ADAM29: variants seen among roughly 807,000 people sequenced by gnomAD.
ADAM29 encodes disintegrin and metalloproteinase domain-containing protein 29.
For synonymous variants in ADAM29, 367 were observed against 342.3 expected (o/e 1.07, Z -0.80); for missense variants, 969 against 1,001.8 (o/e 0.97, Z 0.44).
Position 174,977,029 on chromosome 4 carries a change from A to C in ADAM29, c.1504A>C (p.Asn502His). ...YCYEKSCHDRNEQCRRIFGAG... is the reference protein window; with the variant it reads ...YCYEKSCHDRHEQCRRIFGAG... The stretch of plus-strand genomic sequence containing the variant: ...CTATGAAAAGAGCTGTCATGACCGC[A>C]ATGAACAGTGTAGGAGGATTTTTGG... Residue 502 changes from asparagine (N) to histidine (H), a missense_variant, in exon 5 of 5, where the codon AAT becomes CAT. Transcript: ENST00000359240. 1.9e-6 allele frequency: 3 copies of C among 1,614,208 alleles called. No homozygotes were observed. The highest frequency in any genetic ancestry group is 1.7e-4 in the Middle Eastern group (1 of 6,060).
intron 2 of ADAM29, among the ~76,000 whole-genome samples, 196 bp downstream of exon 2, chr4:174,920,988 C>A (rs1331405134): frequency 6.6e-6 from 1 of 152,054 alleles, no homozygotes; most frequent in Non-Finnish European, 1.5e-5. Flanking sequence ...ATGGGTAGTT[C>A]TCACCAAGAT....
chr4:174,934,011 G>A (rs1223522261), intron 3 of ADAM29, among the ~76,000 whole-genome samples: 3 of 152,122 alleles, frequency 2.0e-5, no homozygotes, highest in Non-Finnish European at 2.9e-5. Context: ...TTGCTAGGTT[G>A]AACGGTGCTT....
chr4:174,931,542 A>G (rs1413691359), intron 3 of ADAM29: 1 of 152,174 alleles, frequency 6.6e-6, no homozygotes, highest in East Asian at 1.9e-4. Flanking sequence ...ATGAATCTAT[A>G]TATTTTCCCG....
At chr4:174,940,761 AT>A (rs1275751301) in intron 4 of ADAM29, among the ~76,000 whole-genome samples, 1 of 152,132 alleles carries the variant, frequency 6.6e-6, no homozygotes, top group Non-Finnish European at 1.5e-5. Flanking sequence ...TATATGTGAC[AT>A]TTTCAGCATG....
chr4:174,972,714 T>A (rs1414522876), intron 4 of ADAM29, among the ~76,000 whole-genome samples: 2 of 152,154 alleles, frequency 1.3e-5, no homozygotes, highest in Non-Finnish European at 2.9e-5. Context: ...TTTTCTTCCC[T>A]GGTGGCTAGA....
intron 4 of ADAM29, among the ~76,000 whole-genome samples, chr4:174,967,850 C>T (rs942213364): frequency 1.3e-5 from 2 of 152,174 alleles, no homozygotes. Context: ...GATATGCTTT[C>T]TCCAGTATAG....
chr4:174,961,906 A>T (rs910348284), intron 4 of ADAM29, among the ~76,000 whole-genome samples: 1 of 152,132 alleles, frequency 6.6e-6, no homozygotes, highest in East Asian at 1.9e-4. Flanking sequence ...GTCTTTAAGA[A>T]TTATGGTGAC....
chr4:174,975,158 TC>T (rs1389009027), intron 4 of ADAM29, among the ~76,000 whole-genome samples, 187 bp from the exon 5 acceptor site: 12 of 152,204 alleles, frequency 7.9e-5, no homozygotes, highest in Non-Finnish European at 1.6e-4. Context: ...TTCTGTACAC[TC>T]CCTATTCCCT....
intron 2 of ADAM29, among the ~76,000 whole-genome samples, chr4:174,924,798 T>C (rs566818836): frequency 2.4e-4 from 36 of 152,344 alleles, no homozygotes; most frequent in African/African-American, 8.4e-4. Flanking sequence ...GTTAGGAGTC[T>C]GGAGAAGCAT....
chr4:174,943,047 A>C (rs1744632208), intron 4 of ADAM29, among the ~76,000 whole-genome samples: 1 of 152,122 alleles, frequency 6.6e-6, no homozygotes, highest in Non-Finnish European at 1.5e-5. Flanking sequence ...CCAGGAGAAA[A>C]ATGTTGCCAG....
At position 174,975,405 on chromosome 4, in the gene ADAM29, A is replaced by T. The variant is rs1227995285; in HGVS notation, c.-121A>T. 5 of 955,150 alleles carry T rather than the reference A, an allele frequency of 5.2e-6. No individual in the cohort carries two copies. Among genetic ancestry groups the T allele is most frequent in the Non-Finnish European group, 7.5e-6 (5 of 670,900 alleles). The allele number at this position is 955,150 out of a possible 1,614,324, so 59.2% of individuals were successfully genotyped here. ...ATGGATCTTTAATGATTAGCACTACACACTGACCAACTCAGAAGAAGGAGC... is the reference window on the plus strand; with the variant it reads ...ATGGATCTTTAATGATTAGCACTACTCACTGACCAACTCAGAAGAAGGAGC... On this transcript the variant is annotated 5_prime_UTR_variant, in exon 5 of 5. Coordinates refer to ENST00000359240, the MANE Select transcript of ADAM29 (RefSeq NM_014269.4).
chr4:174,961,460 C>T (rs1745816901), intron 4 of ADAM29, among the ~76,000 whole-genome samples: 1 of 151,948 alleles, frequency 6.6e-6, no homozygotes. Context: ...TAATGACCCA[C>T]ATAGTTACAA....
At chr4:174,958,004 T>A (rs1023964734) in intron 4 of ADAM29, among the ~76,000 whole-genome samples, 1 of 151,850 alleles carries the variant, frequency 6.6e-6, no homozygotes, top group African/African-American at 2.4e-5. Context: ...TCTGTTATAG[T>A]TTAATTGTAT....
At chr4:174,969,712 T>A (rs1179879249) in intron 4 of ADAM29, among the ~76,000 whole-genome samples, 1 of 152,066 alleles carries the variant, frequency 6.6e-6, no homozygotes, top group African/African-American at 2.4e-5. Flanking sequence ...AAACACCAAG[T>A]ATTTTGATGT....
chr4:174,935,301 C>T (rs1381663547), intron 3 of ADAM29, among the ~76,000 whole-genome samples: 2 of 151,982 alleles, frequency 1.3e-5, no homozygotes, highest in African/African-American at 4.8e-5. Flanking sequence ...AAGGTACCTT[C>T]CCATGTGGAA....
intron 4 of ADAM29, among the ~76,000 whole-genome samples, chr4:174,938,927 T>A (rs1418782795): frequency 6.6e-6 from 1 of 152,172 alleles, no homozygotes; most frequent in Non-Finnish European, 1.5e-5. Context: ...CCTTGGCTTG[T>A]GGCAGCATTA....
chr4:174,924,662 A>C (rs917902280), intron 2 of ADAM29, among the ~76,000 whole-genome samples: 1 of 152,228 alleles, frequency 6.6e-6, no homozygotes, highest in Non-Finnish European at 1.5e-5. Flanking sequence ...ATGAAAAGAC[A>C]TGGATGAACC....
intron 2 of ADAM29, among the ~76,000 whole-genome samples, chr4:174,928,723 G>A (rs1318427011): frequency 1.3e-5 from 2 of 152,108 alleles, no homozygotes; most frequent in African/African-American, 4.8e-5. Flanking sequence ...ACTTTGCAGG[G>A]AGGTTGGTAA....
At chr4:174,962,923 G>A (rs1345736743) in intron 4 of ADAM29, among the ~76,000 whole-genome samples, 1 of 152,120 alleles carries the variant, frequency 6.6e-6, no homozygotes, top group South Asian at 2.1e-4. Flanking sequence ...AAAATTATTA[G>A]AATGCTCTAC....
Sources: gnomAD v4.1 joint callset for allele counts (sites outside exome capture counted in the v4.1 genomes callset) on GRCh38, gnomAD v4.1.1 for gene constraint, MANE v1.5 for transcripts, NCBI Gene and HGNC (gene_info 2026-07-23, HGNC 2026-07-21) for gene names.